The following TMTC2 variants were observed in gnomAD, a reference collection of about 807,000 sequenced individuals.
The protein encoded by TMTC2 is protein O-mannosyl-transferase TMTC2.
A neutral mutation model predicts 82.4 loss-of-function variants in TMTC2; 43 were observed. The ratio of observed to expected loss-of-function variants is 0.52; its 90% CI spans 0.41 to 0.67. The LOEUF is 0.67. TMTC2 is among the 30% of genes least tolerant of loss of function. The pLI, the probability that TMTC2 is intolerant of heterozygous loss-of-function variation, is 0.00. For missense variants in TMTC2, 919 were observed against 1,012.4 expected (o/e 0.91, Z 1.25); for synonymous variants, 408 against 381.9 (o/e 1.07, Z -0.80).
chr12:82,866,644 A>G (rs561859148), intron 2 of TMTC2, among the ~76,000 whole-genome samples: 1 of 152,290 alleles, frequency 6.6e-6, no homozygotes, highest in South Asian at 2.1e-4. Flanking sequence ...GGGGGATCCG[A>G]TGGATATCAG....
intron 4 of TMTC2, among the ~76,000 whole-genome samples, chr12:82,946,424 CCTT>C (rs1425888477): frequency 6.6e-6 from 1 of 152,072 alleles, no homozygotes; most frequent in Non-Finnish European, 1.5e-5. Context: ...TCTCTTTCTC[CCTT>C]CTTCTCTCCC....
At chr12:82,722,815 TA>T (rs1874276313) in intron 1 of TMTC2, among the ~76,000 whole-genome samples, 1 of 152,158 alleles carries the variant, frequency 6.6e-6, no homozygotes, top group Non-Finnish European at 1.5e-5. Flanking sequence ...TCTGATTTAC[TA>T]AACAGAGAAA....
At chr12:82,911,532 A>C (rs1874657197) in intron 3 of TMTC2, among the ~76,000 whole-genome samples, 1 of 152,194 alleles carries the variant, frequency 6.6e-6, no homozygotes, top group Non-Finnish European at 1.5e-5. Context: ...ATAATGATCA[A>C]ACATATTAGA....
At chr12:82,850,620 A>G (rs1181651222) in intron 1 of TMTC2, among the ~76,000 whole-genome samples, 1 of 152,132 alleles carries the variant, frequency 6.6e-6, no homozygotes, top group Non-Finnish European at 1.5e-5. Context: ...GAATGAGAAA[A>G]GTAATGAGAA....
chr12:82,936,013 G>C (rs1876297027), intron 4 of TMTC2, among the ~76,000 whole-genome samples: 1 of 152,000 alleles, frequency 6.6e-6, no homozygotes, highest in South Asian at 2.1e-4. Flanking sequence ...GGGTAACGTA[G>C]GGCAAAATAA....
chr12:82,879,842 A>G (rs560272841), intron 2 of TMTC2, among the ~76,000 whole-genome samples: 2 of 152,350 alleles, frequency 1.3e-5, no homozygotes, highest in African/African-American at 4.8e-5. Flanking sequence ...CGTTGCCACT[A>G]ATAAACCATT....
chr12:82,808,407 T>G (rs1879338407), intron 1 of TMTC2, among the ~76,000 whole-genome samples: 1 of 152,078 alleles, frequency 6.6e-6, no homozygotes, highest in Non-Finnish European at 1.5e-5. Flanking sequence ...TAACTTTTAT[T>G]GATATAGTGC....
intron 1 of TMTC2, among the ~76,000 whole-genome samples, chr12:82,781,773 A>C (rs907180172): frequency 6.8e-6 from 1 of 147,420 alleles, no homozygotes; most frequent in Non-Finnish European, 1.5e-5. Context: ...TCATCTCTAC[A>C]TGCCTAGGCT....
chr12:82,899,797 G>C (rs1873890909), intron 3 of TMTC2, among the ~76,000 whole-genome samples: 1 of 139,920 alleles, frequency 7.1e-6, no homozygotes, highest in Admixed American at 7.4e-5. Context: ...ACATATATAG[G>C]AATATATATA....
intron 8 of TMTC2, among the ~76,000 whole-genome samples, chr12:83,012,964 A>G (rs1880526926): frequency 6.6e-6 from 1 of 152,186 alleles, no homozygotes; most frequent in African/African-American, 2.4e-5. Context: ...GATGGAGATT[A>G]ATGTGAAATA....
intron 3 of TMTC2, among the ~76,000 whole-genome samples, chr12:82,912,654 G>A (rs531386113): frequency 9.1e-4 from 138 of 152,172 alleles, no homozygotes; most frequent in Admixed American, 1.4e-3. Flanking sequence ...AGAATGAATG[G>A]TGGTTGGGTG....
intron 1 of TMTC2, among the ~76,000 whole-genome samples, chr12:82,826,064 T>C (rs967221762): frequency 3.9e-5 from 6 of 152,252 alleles, no homozygotes; most frequent in African/African-American, 1.2e-4. Context: ...TTTATACATA[T>C]CAAGCTGATT....
intron 4 of TMTC2, among the ~76,000 whole-genome samples, chr12:82,945,748 GA>G (rs1238922351): frequency 6.6e-6 from 1 of 152,088 alleles, no homozygotes; most frequent in Non-Finnish European, 1.5e-5. Context: ...CAATTACTGT[GA>G]GTTAAGAATT....
chr12:82,963,467 T>G (rs1048805885), intron 4 of TMTC2, among the ~76,000 whole-genome samples: 1 of 151,838 alleles, frequency 6.6e-6, no homozygotes, highest in Non-Finnish European at 1.5e-5. Flanking sequence ...TCTGAATTTT[T>G]TTTTTCTTTA....
chr12:83,065,116 A>G (rs1213601221), intron 11 of TMTC2, among the ~76,000 whole-genome samples: 5 of 151,972 alleles, frequency 3.3e-5, no homozygotes, highest in Admixed American at 2.0e-4. Flanking sequence ...TCAGGTCACT[A>G]CTATACAAAG....
intron 2 of TMTC2, among the ~76,000 whole-genome samples, chr12:82,892,624 C>T (rs1268518806): frequency 3.9e-5 from 6 of 152,158 alleles, no homozygotes; most frequent in Non-Finnish European, 8.8e-5. Context: ...ATGTTTCCTC[C>T]TTCGTGTGGC....
chr12:83,062,287 C>T (rs1882771790), intron 11 of TMTC2, among the ~76,000 whole-genome samples: 1 of 151,700 alleles, frequency 6.6e-6, no homozygotes, highest in Admixed American at 6.6e-5. Flanking sequence ...TGCTTTTCAA[C>T]TTTATCAAGA....
Position 83,005,330 on chromosome 12 carries a change from C to CAAAA in TMTC2, c.2070+19300_2070+19303dup, listed in dbSNP as rs35332002. On this transcript the variant is annotated intron_variant, in intron 8 of 11. Transcript: ENST00000321196. ...GGAAACGCAAGGAGACTCTGGTCTC[C>CAAAA]AAAAAAAAAAAAAAAAAAAGAGTAA... Among the ~76,000 whole-genome samples, 77 of 105,686 alleles carry CAAAA rather than the reference C, an allele frequency of 7.3e-4. 1 individual carries two copies. The highest frequency in any genetic ancestry group is 2.6e-3 in the African/African-American group (76 of 29,350). The allele number at this position is 105,686 out of a possible 152,430, so 69.3% of individuals were successfully genotyped here. A position where few individuals can be genotyped will look rare whatever the true frequency, so the allele number is the denominator to read the frequency against.
At chr12:82,838,568 T>C (rs1870172009) in intron 1 of TMTC2, among the ~76,000 whole-genome samples, 1 of 152,214 alleles carries the variant, frequency 6.6e-6, no homozygotes, top group Non-Finnish European at 1.5e-5. Context: ...AAGTTCAAGA[T>C]GTGGTGTAGT....
Sources: gnomAD v4.1 joint callset for allele counts (sites outside exome capture counted in the v4.1 genomes callset) on GRCh38, gnomAD v4.1.1 for gene constraint, MANE v1.5 for transcripts, NCBI Gene and HGNC (gene_info 2026-07-23, HGNC 2026-07-21) for gene names.